Variants in AKAP7 observed in about 807,000 individuals in gnomAD.
AKAP7 encodes the protein A-kinase anchoring protein 7.
In AKAP7, 39 loss-of-function variants were observed where a neutral mutation model predicts 39.5. That is an observed-to-expected ratio of 0.99 (90% CI 0.76 to 1.29). The LOEUF is 1.29. Among genes scored for constraint, AKAP7 ranks in the 50% most tolerant of loss-of-function variants. The pLI is 0.00. For missense variants in AKAP7, 414 were observed against 407.7 expected, an observed-to-expected ratio of 1.02 and a Z score of -0.13; for synonymous variants, 140 against 139.1, an observed-to-expected ratio of 1.01 and a Z score of -0.05.
chr6:131,244,347 G>A lies in AKAP7; in HGVS notation c.850+24539G>A, dbSNP rs142660593. ...CGTTGACACAAGAGTTAACTTTACC[G>A]CAAGAGCTTATGTGATGATCATATT... is the stretch of plus-strand genomic sequence containing the variant. On this transcript the variant is annotated intron_variant, in intron 7 of 7. Transcript: ENST00000431975. Among the ~76,000 whole-genome samples, 36 of 152,204 alleles carry A rather than the reference G, an allele frequency of 2.4e-4. No individual in the cohort carries two copies. In the East Asian group the frequency reaches 6.8e-3, roughly 29 times the overall value.
chr6:131,193,065 CCCTTT>C (rs1806572997), intron 5 of AKAP7, among the ~76,000 whole-genome samples: 1 of 151,930 alleles, frequency 6.6e-6, no homozygotes, highest in Non-Finnish European at 1.5e-5. Context: ...AGTTTGAATG[CCCTTT>C]ATTTCTTCTG....
chr6:131,281,678 C>G lies in AKAP7; in HGVS notation c.999C>G (p.Thr333=). 6.2e-7 allele frequency: 1 copy of G among 1,612,364 alleles called. No individual in the cohort carries two copies. Among genetic ancestry groups the G allele is most frequent in the Non-Finnish European group, 8.5e-7 (1 of 1,179,270 alleles). The change falls in exon 8 of 8, where the codon ACC becomes ACG. Residue 333 remains threonine (T), a synonymous_variant. Transcript: ENST00000431975. The surrounding 1 kb of genome is among the most constrained non-coding windows in gnomAD (Gnocchi z 4.0). The stretch of plus-strand genomic sequence containing the variant: ...CGGGGGAGGGGAGCTCTGTGAAAAC[C>G]GAAGCAGCTGATCAGAATGGCAATG... The part of the protein sequence containing the change: ...NKPGEGSSVK[T]EAADQNGNDN...
Position 131,190,189 on chromosome 6 carries a change from T to C in AKAP7, c.590-9272T>C, listed in dbSNP as rs533470773. Among the ~76,000 whole-genome samples the C allele has an allele frequency of 3.9e-5, 6 of 152,324 alleles. No homozygotes were observed. The East Asian group carries it at 7.7e-4, about 20-fold the overall frequency. ...CTTTTTCCCCACTTCTATGTACCTA[T>C]GGACTATATTGAAAAAGCACATTAA... On this transcript the variant is annotated intron_variant, in intron 5 of 7. Coordinates refer to ENST00000431975, the MANE Select transcript of AKAP7 (RefSeq NM_016377.4).
At position 131,161,845 on chromosome 6, in the gene AKAP7, G is replaced by A. The variant is rs557452667; in HGVS notation, c.291+1647G>A. 3.9e-5 allele frequency among the ~76,000 whole-genome samples: 6 copies of A among 152,170 alleles called. No homozygotes were observed. The East Asian group carries it at 1.2e-3, about 29-fold the overall frequency. On this transcript the variant is annotated intron_variant, in intron 3 of 7. Transcript: ENST00000431975. ...AAGAGCTCAGGGAGTGAAAGGTGCTGCTGCTTTCATGAGCAGCCAGACAGA... is the reference window on the plus strand; with the variant it reads ...AAGAGCTCAGGGAGTGAAAGGTGCTACTGCTTTCATGAGCAGCCAGACAGA...
At chr6:131,164,992 T>G in intron 3 of AKAP7, 89 bp from the exon 4 acceptor site, 1 of 1,090,606 alleles carries the variant, frequency 9.2e-7, no homozygotes, top group Non-Finnish European at 1.3e-6. Context: ...TTGTTGCTTA[T>G]TTTTCTTCTT....
At chr6:131,149,463 C>T (rs957339780) in intron 2 of AKAP7, among the ~76,000 whole-genome samples, 9 of 152,020 alleles carry the variant, frequency 5.9e-5, no homozygotes, top group East Asian at 3.9e-4. Context: ...GGTGAAATCC[C>T]GTCTCTACTA....
At chr6:131,171,737 G>T (rs1804074066) in intron 5 of AKAP7, among the ~76,000 whole-genome samples, 1 of 152,168 alleles carries the variant, frequency 6.6e-6, no homozygotes, top group Non-Finnish European at 1.5e-5. Context: ...GTAGGATTTA[G>T]CTGTGAGAAT....
chr6:131,164,081 G>A (rs1803239237), intron 3 of AKAP7, among the ~76,000 whole-genome samples: 1 of 152,110 alleles, frequency 6.6e-6, no homozygotes, highest in African/African-American at 2.4e-5. Context: ...CATTGTTCAG[G>A]ATAAAACAGC....
Position 131,159,105 on chromosome 6 carries a change from T to C in AKAP7, c.152-954T>C, listed in dbSNP as rs563536647. 3.0e-3 allele frequency among the ~76,000 whole-genome samples: 348 copies of C among 114,506 alleles called. 1 individual carries two copies. The highest frequency in any genetic ancestry group is 4.7e-3 in the Non-Finnish European group (249 of 53,494). 75.1% of individuals were successfully genotyped at this position (114,506 alleles called of 152,430 possible). On this transcript the variant is annotated intron_variant, in intron 2 of 7. Coordinates refer to ENST00000431975, the MANE Select transcript of AKAP7 (RefSeq NM_016377.4). Reference sequence around the variant, plus strand: ...TTATTTTATTTTATTTTTTATTTTTTATTTTTGAGACGGAGTCTCCCTATG... The same window carrying C: ...TTATTTTATTTTATTTTTTATTTTTCATTTTTGAGACGGAGTCTCCCTATG...
At chr6:131,229,651 C>T (rs1470672138) in intron 7 of AKAP7, among the ~76,000 whole-genome samples, 1 of 152,178 alleles carries the variant, frequency 6.6e-6, no homozygotes, top group Non-Finnish European at 1.5e-5. Flanking sequence ...AGCCACCATG[C>T]CTGGCCTCCC....
At chr6:131,134,720 C>T (rs1217732461), upstream of AKAP7, among the ~76,000 whole-genome samples, 1 of 152,174 alleles carries the variant, frequency 6.6e-6, no homozygotes, top group African/African-American at 2.4e-5. Context: ...AGCCTTTACG[C>T]CAGCTGTTGT....
chr6:131,144,666 A>G (rs1801335519), intron 1 of AKAP7, among the ~76,000 whole-genome samples: 1 of 152,244 alleles, frequency 6.6e-6, no homozygotes, highest in South Asian at 2.1e-4. Context: ...CAAGAAAACA[A>G]AAAAAGACCA....
At chr6:131,130,397 G>T in the AKAP7 span, among the ~76,000 whole-genome samples, 2 of 152,110 alleles carry the variant, frequency 1.3e-5, no homozygotes, top group African/African-American at 2.4e-5. Context: ...TCCTGAGTTC[G>T]AGCGATTCTC....
intron 1 of AKAP7, among the ~76,000 whole-genome samples, chr6:131,141,899 CTTT>C (rs773131426): frequency 2.2e-4 from 25 of 116,184 alleles, no homozygotes; most frequent in East Asian, 2.3e-4. Context: ...TTCTTTCTTT[CTTT>C]TTTTTTTTTT....
intron 1 of AKAP7, among the ~76,000 whole-genome samples, chr6:131,142,778 G>A: frequency 6.6e-6 from 1 of 152,238 alleles, no homozygotes; most frequent in East Asian, 1.9e-4. Flanking sequence ...AAAAGCTGCA[G>A]ACATTCAATT....
At chr6:131,230,302 G>T (rs1810527272) in intron 7 of AKAP7, among the ~76,000 whole-genome samples, 1 of 152,190 alleles carries the variant, frequency 6.6e-6, no homozygotes, top group Non-Finnish European at 1.5e-5. Context: ...ACTGGTGCGA[G>T]ATGATATCTC....
At chr6:131,183,758 C>T (rs1805523312) in intron 5 of AKAP7, among the ~76,000 whole-genome samples, 1 of 152,072 alleles carries the variant, frequency 6.6e-6, no homozygotes, top group Admixed American at 6.5e-5. Context: ...AACATCCTGA[C>T]TCCAGCAAAG....
intron 6 of AKAP7, among the ~76,000 whole-genome samples, chr6:131,207,427 C>G (rs1391228636): frequency 1.3e-5 from 2 of 150,418 alleles, no homozygotes; most frequent in Non-Finnish European, 2.9e-5. Flanking sequence ...TCAAATGATC[C>G]TCCTGCCTCA....
chr6:131,138,241 A>G (rs963034239), intron 1 of AKAP7, among the ~76,000 whole-genome samples: 1 of 152,244 alleles, frequency 6.6e-6, no homozygotes, highest in East Asian at 1.9e-4. Flanking sequence ...TGCCTGGCTT[A>G]TTTCACTTAA....
Sources: allele counts gnomAD v4.1 joint callset (sites outside exome capture counted in the v4.1 genomes callset), GRCh38; gene constraint gnomAD v4.1.1; non-coding constraint Gnocchi (gnomAD v3.1); transcripts MANE v1.5; gene names NCBI Gene and HGNC (gene_info 2026-07-23, HGNC 2026-07-21).